ZFX: variants seen among roughly 807,000 people sequenced by gnomAD.
The protein encoded by ZFX is zinc finger protein X-linked, also known as zinc finger X-chromosomal protein.
For missense variants in ZFX, 362 were observed against 628.3 expected (o/e 0.58, Z 4.53); for synonymous variants, 196 against 226.8 (o/e 0.86, Z 1.22).
At chrX:24,159,609 G>A (rs1421458670) in intron 3 of ZFX, among the ~76,000 whole-genome samples, 9 of 110,636 alleles carry the variant, frequency 8.1e-5, no homozygotes, top group African/African-American at 3.0e-4. Flanking sequence ...TGAGTAGCTG[G>A]ATTACAGGTG....
At position 24,215,149 on chromosome X, in the gene ZFX, C is replaced by T. The variant is rs1234127293; in HGVS notation, c.*3773C>T. 1 of 111,671 alleles carries T rather than the reference C, an allele frequency of 9.0e-6. No homozygotes were observed. Among genetic ancestry groups the T allele is most frequent in the Non-Finnish European group, 1.9e-5 (1 of 53,142 alleles). 9.2% of individuals were successfully genotyped at this position (111,671 alleles called of 1,213,427 possible). A position where few individuals can be genotyped will look rare whatever the true frequency, so the allele number is the denominator to read the frequency against. On this transcript the variant is annotated 3_prime_UTR_variant, in exon 10 of 10. Coordinates refer to ENST00000304543, the MANE Select transcript of ZFX (RefSeq NM_003410.4). ...TCCAGAGCCATAAATCAGACAAAACCATACATAGCATGCTGAAAAACTTTT... is the reference window on the plus strand; with the variant it reads ...TCCAGAGCCATAAATCAGACAAAACTATACATAGCATGCTGAAAAACTTTT...
chrX:24,180,477 G>GT (rs1360454725), intron 5 of ZFX, among the ~76,000 whole-genome samples: 1 of 108,650 alleles, frequency 9.2e-6, no homozygotes, highest in Non-Finnish European at 1.9e-5. Flanking sequence ...TGCCTCTCGA[G>GT]TTCAAGTGAT....
chrX:24,190,812 C>T (rs762931880), intron 5 of ZFX, among the ~76,000 whole-genome samples: 54 of 112,567 alleles, frequency 4.8e-4, no homozygotes, highest in Middle Eastern at 4.6e-3. Context: ...TGGATACCAG[C>T]TCTGCTACTC....
chrX:24,164,582 G>A (rs1933810963), intron 3 of ZFX, among the ~76,000 whole-genome samples: 1 of 111,540 alleles, frequency 9.0e-6, no homozygotes. Flanking sequence ...TTACAGCGTT[G>A]GTGATCAGTG....
intron 3 of ZFX, among the ~76,000 whole-genome samples, chrX:24,163,755 G>A (rs1156940974): frequency 9.7e-6 from 1 of 102,957 alleles, no homozygotes; most frequent in East Asian, 3.0e-4. Flanking sequence ...ACTCCTTGCT[G>A]CAAGTGATCT....
chrX:24,151,563 A>G (rs1932135643), intron 1 of ZFX, 128 bp from the exon 2 acceptor site: 1 of 111,787 alleles, frequency 8.9e-6, no homozygotes, highest in Admixed American at 9.5e-5. Flanking sequence ...TAGATTGCAG[A>G]AGGGCTTGCT....
chrX:24,210,683 G>A lies in ZFX; in HGVS notation c.1725G>A (p.Pro575=), dbSNP rs746622902. ...KHMRIHTGEK[P]YQCQYCEYRS... ...TGAGAATCCATACTGGGGAGAAGCC[G>A]TACCAATGCCAGTACTGCGAATATA... The change falls in exon 10 of 10, where the codon CCG becomes CCA. Residue 575 remains proline, a synonymous_variant. Transcript: ENST00000304543. The A allele has an allele frequency of 2.1e-5, 25 of 1,209,733 alleles. 1 individual carries two copies. The South Asian group carries it at 4.2e-4, about 20-fold the overall frequency.
In ZFX at chrX:24,179,668, G is replaced by T; in HGVS notation, c.544G>T (p.Val182Leu). 8.3e-7 allele frequency: 1 copy of T among 1,211,633 alleles called. No individual in the cohort carries two copies. Among genetic ancestry groups the T allele is most frequent in the Non-Finnish European group, 1.1e-6 (1 of 895,566 alleles). ...TTDVVSEEVL[V>L]ADCASEAVID... ...CGACGTAGTTTCAGAAGAAGTATTG[G>T]TAGCAGACTGTGCCTCTGAAGCAGT... Residue 182 changes from valine (V) to leucine (L), a missense_variant, in exon 5 of 10, where the codon GTA (valine) becomes TTA (leucine). By Grantham distance (32) the Val-to-Leu change is conservative (BLOSUM62 1). Coordinates refer to ENST00000304543, the MANE Select transcript of ZFX (RefSeq NM_003410.4).
intron 5 of ZFX, among the ~76,000 whole-genome samples, chrX:24,181,936 A>G (rs1375570542): frequency 8.9e-6 from 1 of 111,888 alleles, no homozygotes; most frequent in Non-Finnish European, 1.9e-5. Context: ...AATGGTTCAT[A>G]TATAAGATGA....
intron 3 of ZFX, among the ~76,000 whole-genome samples, chrX:24,171,895 AGAGAGAGAAG>A (rs1000923446): frequency 9.6e-5 from 7 of 72,692 alleles, no homozygotes; most frequent in East Asian, 4.9e-4. Flanking sequence ...CCACCAGGAC[AGAGAGAGAAG>A]GAGAGAGAGA....
intron 5 of ZFX, among the ~76,000 whole-genome samples, chrX:24,181,861 A>G (rs752187159): frequency 9.0e-6 from 1 of 111,668 alleles, no homozygotes; most frequent in Non-Finnish European, 1.9e-5. Flanking sequence ...TTATTTTAGG[A>G]TGATGATCCT....
chrX:24,175,717 T>G (rs981664647), intron 4 of ZFX, among the ~76,000 whole-genome samples: 1 of 111,333 alleles, frequency 9.0e-6, no homozygotes, highest in African/African-American at 3.3e-5. Context: ...TAGCTGAGAT[T>G]ACTGGTGCAG....
chrX:24,149,015 T>G (rs747260306), upstream of ZFX, among the ~76,000 whole-genome samples: 4 of 111,203 alleles, frequency 3.6e-5, no homozygotes, highest in Non-Finnish European at 7.6e-5. Flanking sequence ...GCTCTAGGGA[T>G]AACCCTTCTC....
chrX:24,209,227 G>A lies in ZFX; in HGVS notation c.1234+187G>A, dbSNP rs1476949369. The A allele has an allele frequency of 1.3e-5, 9 of 701,080 alleles. No individual in the cohort carries two copies. In the South Asian group the frequency reaches 3.3e-4, roughly 26 times the overall value. The allele number at this position is 701,080 out of a possible 1,213,427, so 57.8% of individuals were successfully genotyped here. Reference sequence around the variant, plus strand: ...CATGAATGATTTCCTTGGATAAAAAGAAACAGGACATGGCTGAAACATGGA... The same window carrying A: ...CATGAATGATTTCCTTGGATAAAAAAAAACAGGACATGGCTGAAACATGGA... On this transcript the variant is annotated intron_variant, in intron 9 of 9. Coordinates refer to ENST00000304543, the MANE Select transcript of ZFX (RefSeq NM_003410.4).
intron 5 of ZFX, among the ~76,000 whole-genome samples, chrX:24,195,550 T>G (rs1936859916): frequency 9.0e-6 from 1 of 111,419 alleles, no homozygotes; most frequent in African/African-American, 3.3e-5. Flanking sequence ...GAGACGGGGT[T>G]TCACCATGTT....
rs1467311481 is a variant in ZFX, at chrX:24,211,787, C to T, written c.*411C>T. ...CTCATTTTTTTCCCCATACATTTCT[C>T]ACAATAAAATTGTCAGAGACATCTA... On this transcript the variant is annotated 3_prime_UTR_variant, in exon 10 of 10. Coordinates refer to ENST00000304543, the MANE Select transcript of ZFX (RefSeq NM_003410.4). 1 of 121,559 alleles carries T rather than the reference C, an allele frequency of 8.2e-6. No individual in the cohort carries two copies. The highest frequency in any genetic ancestry group is 1.7e-5 in the Non-Finnish European group (1 of 59,210). The allele number at this position is 121,559 out of a possible 1,213,427, so 10.0% of individuals were successfully genotyped here.
At chrX:24,191,701 AT>A (rs1219988274) in intron 5 of ZFX, among the ~76,000 whole-genome samples, 33 of 102,051 alleles carry the variant, frequency 3.2e-4, no homozygotes, top group Non-Finnish European at 2.4e-4. Context: ...TCTTCATTGG[AT>A]TTTTTTTTTT....
chrX:24,168,172 T>G (rs1934188978), intron 3 of ZFX, among the ~76,000 whole-genome samples: 1 of 112,413 alleles, frequency 8.9e-6, no homozygotes, highest in Non-Finnish European at 1.9e-5. Context: ...CTGATTTCCC[T>G]CTAAGACAAA....
rs78241704 is a variant in ZFX at position 24,207,245 on chromosome X, A to ATTTTT, written c.647-68_647-64dup. The ATTTTT allele has an allele frequency of 1.8e-4, 134 of 753,408 alleles. 6 individuals are homozygous for ATTTTT. Among genetic ancestry groups the ATTTTT allele is most frequent in the South Asian group, 6.8e-4 (20 of 29,344 alleles). The allele number at this position is 753,408 out of a possible 1,213,427, so 62.1% of individuals were successfully genotyped here. ...GTGAGACTCCGTCTCAAAAAAAAAAATTTTTTTTTTTTTTTTTGCGAATAG... is the reference window on the plus strand; with the variant it reads ...GTGAGACTCCGTCTCAAAAAAAAAAATTTTTTTTTTTTTTTTTTTTTTGCGAATAG... On this transcript the variant is annotated intron_variant, in intron 5 of 9. Transcript: ENST00000304543.
Sources: allele counts gnomAD v4.1 joint callset (sites outside exome capture counted in the v4.1 genomes callset), GRCh38; gene constraint gnomAD v4.1.1; transcripts MANE v1.5; gene names NCBI Gene and HGNC (gene_info 2026-07-23, HGNC 2026-07-21).